DCAF15: variants seen among roughly 807,000 people sequenced by gnomAD.
The protein encoded by DCAF15 is DDB1 and CUL4 associated factor 15.
In DCAF15, 24 loss-of-function variants were observed where a neutral mutation model predicts 68.0. The observed-to-expected ratio is 0.35, with a 90% confidence interval of 0.26 to 0.50. The LOEUF is 0.50. Among genes scored for constraint, DCAF15 ranks in the 20% least tolerant of loss-of-function variants. DCAF15 has a pLI of 0.98. For missense variants in DCAF15, 627 were observed against 830.6 expected, an observed-to-expected ratio of 0.75 and a Z score of 3.01; for synonymous variants, 376 against 341.6, an observed-to-expected ratio of 1.10 and a Z score of -1.11.
chr19:13,953,188 G>A (rs1973165389), intron 1 of DCAF15: 2 of 1,490,162 alleles, frequency 1.3e-6, no homozygotes, highest in African/African-American at 2.9e-5. Flanking sequence ...CGCAGAGTGA[G>A]AGTTACCGAA....
rs1179670163 is a variant in DCAF15 at position 13,956,311 on chromosome 19, T to C, written c.614-41T>C. The C allele has an allele frequency of 2.5e-6, 4 of 1,611,948 alleles. No individual in the cohort carries two copies. In the South Asian group the frequency reaches 3.3e-5, roughly 13 times the overall value. Reference sequence around the variant, plus strand: ...GCCTCTTCCCCCCTCCCCCCCTTGCTCCGGGCCGAGAGTGAGCTGCTGTGG... The same window carrying C: ...GCCTCTTCCCCCCTCCCCCCCTTGCCCCGGGCCGAGAGTGAGCTGCTGTGG... On this transcript the variant is annotated intron_variant, in intron 5 of 12. Transcript: ENST00000254337.
Position 13,961,276 on chromosome 19 carries a change from C to T in DCAF15, c.*281C>T, listed in dbSNP as rs1051456610. ...CCCCGAGCTGGGCATGGGCCTGGCC[C>T]CTCGTGCATTTGCCCTTTTCTCGGC... On this transcript the variant is annotated 3_prime_UTR_variant, in exon 13 of 13. Coordinates refer to ENST00000254337, the MANE Select transcript of DCAF15 (RefSeq NM_138353.4). 4 of 536,274 alleles carry T rather than the reference C, an allele frequency of 7.5e-6. No homozygotes were observed. The African/African-American group carries it at 7.8e-5, about 11-fold the overall frequency. 33.2% of individuals were successfully genotyped at this position (536,274 alleles called of 1,614,324 possible).
chr19:13,960,427 C>T (rs1385367041), intron 11 of DCAF15, 36 bp downstream of exon 11: 2 of 1,612,596 alleles, frequency 1.2e-6, no homozygotes, highest in Admixed American at 3.3e-5. Context: ...CAGGGCGCGG[C>T]CAAGGCGACG....
intron 1 of DCAF15, chr19:13,953,402 C>T: frequency 2.6e-6 from 1 of 387,720 alleles, no homozygotes; most frequent in South Asian, 3.6e-5. Flanking sequence ...TGCTGTGTCT[C>T]CCCCTTTTGA....
Position 13,960,094 on chromosome 19 carries a change from C to T in DCAF15, c.1526+25C>T, listed in dbSNP as rs780527281. The T allele has an allele frequency of 3.1e-6, 5 of 1,611,982 alleles. No individual in the cohort carries two copies. The East Asian group carries it at 1.1e-4, about 36-fold the overall frequency. ...GGTGAGCGCGGGGATCCTGCCCTCTCTGTCCACTAGGGGGGCCACTGGCAG... is the reference window on the plus strand; with the variant it reads ...GGTGAGCGCGGGGATCCTGCCCTCTTTGTCCACTAGGGGGGCCACTGGCAG... On this transcript the variant is annotated intron_variant, in intron 10 of 12. Coordinates refer to ENST00000254337, the MANE Select transcript of DCAF15 (RefSeq NM_138353.4).
rs548767638 is a variant in DCAF15, at chr19:13,961,012, G to A, written c.*17G>A. ...GTGCTGTGAGGGCCAGGCCGCCCCG[G>A]ACACTGACTCCAACTACCTCCGTGG... On this transcript the variant is annotated 3_prime_UTR_variant, in exon 13 of 13. Coordinates refer to ENST00000254337, the MANE Select transcript of DCAF15 (RefSeq NM_138353.4). 1.2e-5 allele frequency: 20 copies of A among 1,613,396 alleles called. No homozygotes were observed. In the South Asian group the frequency reaches 1.9e-4, roughly 15 times the overall value.
rs1235075565 is a variant in DCAF15 at position 13,960,052 on chromosome 19, T to C, written c.1509T>C (p.Thr503=). 2.5e-6 allele frequency: 4 copies of C among 1,613,544 alleles called. No homozygotes were observed. The highest frequency in any genetic ancestry group is 3.4e-6 in the Non-Finnish European group (4 of 1,179,972). ...TGCTCCTGGCCTTCCCGTCCCCCACTGAGGAGGGCCAGCTCCGGTGAGCGC... is the reference window on the plus strand; with the variant it reads ...TGCTCCTGGCCTTCCCGTCCCCCACCGAGGAGGGCCAGCTCCGGTGAGCGC... ...GLLLLAFPSP[T]EEGQLRPKTY... is the part of the protein sequence containing the mutation. The change falls in exon 10 of 13, where the codon ACT becomes ACC. Residue 503 remains threonine, a synonymous_variant. Transcript: ENST00000254337.
intron 1 of DCAF15, among the ~76,000 whole-genome samples, 191 bp from the exon 2 acceptor site, chr19:13,954,149 G>A (rs552222875): frequency 1.6e-4 from 25 of 152,292 alleles, no homozygotes; most frequent in Non-Finnish European, 2.6e-4. Flanking sequence ...AGGCTCAAGC[G>A]CGGTCCATCT....
chr19:13,959,841 T>C lies in DCAF15; in HGVS notation c.1386T>C (p.Ala462=), dbSNP rs1389894683. The change falls in exon 9 of 13, where the codon GCT becomes GCC. Residue 462 remains alanine, a synonymous_variant. Transcript: ENST00000254337. ...TCAATGAGGTCATCCGCCACGACGC[T>C]ACCTGGGGCCATCAGTTCTGTTCTT... ...YVINEVIRHD[A]TWGHQFCSFS... is the part of the protein sequence containing the mutation. The C allele has an allele frequency of 6.2e-7, 1 of 1,606,432 alleles. No individual in the cohort carries two copies. The highest frequency in any genetic ancestry group is 1.7e-5 in the Admixed American group (1 of 59,634).
rs373803348 is a variant in DCAF15, at chr19:13,959,471, C to T, written c.1211C>T (p.Pro404Leu). 1.5e-4 allele frequency: 235 copies of T among 1,609,256 alleles called. No individual in the cohort carries two copies. The South Asian group carries it at 2.2e-3, about 15-fold the overall frequency. The change falls in exon 7 of 13, where the codon CCG becomes CTG. Residue 404 changes from proline (P) to leucine (L), a missense_variant. Transcript: ENST00000254337. ...CTGGAGTCCGGAGAGGGGACGGAGC[C>T]GGAGGATGGTGAGCGGGGGGCAGGC... is the stretch of plus-strand genomic sequence containing the variant. The part of the protein sequence containing the change: ...YVLESGEGTE[P>L]EDELEDDKIS...
chr19:13,956,673 G>C, intron 6 of DCAF15, 151 bp downstream of exon 6: 1 of 930,338 alleles, frequency 1.1e-6, no homozygotes, highest in Non-Finnish European at 1.6e-6. Flanking sequence ...CGGTCCAAAT[G>C]TGGCCACGCC....
chr19:13,956,303 C>T, intron 5 of DCAF15, 41 bp downstream of exon 5: 2 of 1,611,660 alleles, frequency 1.2e-6, no homozygotes, highest in East Asian at 2.2e-5. Flanking sequence ...CCCCCCTCCC[C>T]CCCTTGCTCC....
At chr19:13,952,706 G>A in intron 1 of DCAF15, 62 bp downstream of exon 1, 1 of 1,300,912 alleles carries the variant, frequency 7.7e-7, no homozygotes, top group Admixed American at 3.9e-5. Context: ...CGAGGGAGGC[G>A]GAGGGAGGAG....
chr19:13,960,808 A>G (rs1313370646), intron 12 of DCAF15, 132 bp from the exon 13 acceptor site: 2 of 1,157,042 alleles, frequency 1.7e-6, no homozygotes, highest in East Asian at 2.5e-5. Context: ...GCTGCAGGCT[A>G]GAGGTGGAGG....
chr19:13,952,938 A>G, intron 1 of DCAF15: 1 of 879,368 alleles, frequency 1.1e-6, no homozygotes, highest in Non-Finnish European at 1.7e-6. Flanking sequence ...CAGAGGCCGC[A>G]GGGAGAATCA....
Position 13,955,965 on chromosome 19 carries a change from G to A in DCAF15, c.420G>A (p.Leu140=), listed in dbSNP as rs529413192. The part of the protein sequence containing the change: ...QDEEIYSDLY[L]TVCEWPSDAS... ...AGGAGATCTACAGCGACCTGTACCT[G>A]ACCGTATGCGAGTGGCCCAGCGACG... is the stretch of plus-strand genomic sequence containing the variant. The change falls in exon 4 of 13, where the codon CTG becomes CTA. Residue 140 remains leucine (L), a synonymous_variant. Transcript: ENST00000254337. 62 of 1,613,908 alleles carry A rather than the reference G, an allele frequency of 3.8e-5. No homozygotes were observed. The highest frequency in any genetic ancestry group is 4.6e-5 in the Non-Finnish European group (54 of 1,180,014).
Position 13,956,344 on chromosome 19 carries a change from T to C in DCAF15, c.614-8T>C, listed in dbSNP as rs1407466818. ...GAGAGTGAGCTGCTGTGGCGTGTGT[T>C]GCTACAGGAGACCCGAATGCACAGT... On this transcript the variant is annotated splice_polypyrimidine_tract_variant and splice_region_variant and intron_variant, in intron 5 of 12. Transcript: ENST00000254337. The C allele has an allele frequency of 1.2e-6, 2 of 1,613,412 alleles. No homozygotes were observed. Among genetic ancestry groups the C allele is most frequent in the Admixed American group, 3.3e-5 (2 of 60,010 alleles).
At chr19:13,954,054 C>T (rs985249927) in intron 1 of DCAF15, among the ~76,000 whole-genome samples, 3 of 152,066 alleles carry the variant, frequency 2.0e-5, no homozygotes, top group East Asian at 3.9e-4. Flanking sequence ...TTCTTGGGGG[C>T]GGTGACGCTG....
chr19:13,961,324 G>C lies in DCAF15; in HGVS notation c.*329G>C, dbSNP rs982415829. 2.5e-6 allele frequency: 1 copy of C among 400,984 alleles called. No homozygotes were observed. Among genetic ancestry groups the C allele is most frequent in the South Asian group, 2.8e-5 (1 of 35,912 alleles). The allele number at this position is 400,984 out of a possible 1,614,324, so 24.8% of individuals were successfully genotyped here. On this transcript the variant is annotated 3_prime_UTR_variant, in exon 13 of 13. Coordinates refer to ENST00000254337, the MANE Select transcript of DCAF15 (RefSeq NM_138353.4). ...GGCTACAGCTGTGGACGTTGCCCTC[G>C]GGGAGGTCGAATGGACCCCATTCCC...
Sources: gnomAD v4.1 joint callset for allele counts (sites outside exome capture counted in the v4.1 genomes callset) on GRCh38, gnomAD v4.1.1 for gene constraint, MANE v1.5 for transcripts, NCBI Gene and HGNC (gene_info 2026-07-23, HGNC 2026-07-21) for gene names.